FAM53A: variants seen among roughly 807,000 people sequenced by gnomAD.
FAM53A encodes the protein protein FAM53A.
In FAM53A, 28 loss-of-function variants were observed where a neutral mutation model predicts 26.6. The observed-to-expected ratio is 1.05, with a 90% CI of 0.78 to 1.45. The LOEUF (loss-of-function observed/expected upper bound fraction) is 1.45. FAM53A is among the 40% of genes most tolerant of loss of function. FAM53A has a pLI of 0.00. For synonymous variants in FAM53A, 290 were observed against 253.1 expected (o/e 1.15, Z -1.38); for missense variants, 650 against 575.8 (o/e 1.13, Z -1.32).
At chr4:1,616,416 C>G (rs1351105150), downstream of FAM53A, among the ~76,000 whole-genome samples, 1 of 152,166 alleles carries the variant, frequency 6.6e-6, no homozygotes, top group Non-Finnish European at 1.5e-5. Flanking sequence ...GGCTGGATGA[C>G]ACGGGAGCCG....
upstream of FAM53A, among the ~76,000 whole-genome samples, chr4:1,684,833 C>T (rs1340299789): frequency 6.6e-6 from 1 of 152,244 alleles, no homozygotes; most frequent in East Asian, 1.9e-4. Flanking sequence ...ATTAGGCCCT[C>T]GCTCATGGTC....
At chr4:1,598,551 A>G in the FAM53A span, among the ~76,000 whole-genome samples, 1 of 152,244 alleles carries the variant, frequency 6.6e-6, no homozygotes, top group Non-Finnish European at 1.5e-5. Context: ...CACGTCCCTC[A>G]GGAGACGATT....
chr4:1,608,264 G>A, the FAM53A span, among the ~76,000 whole-genome samples: 1 of 151,986 alleles, frequency 6.6e-6, no homozygotes, highest in South Asian at 2.1e-4. Context: ...TGCCGTGCCT[G>A]CACCCTGAGA....
At chr4:1,651,785 C>T (rs375287410) in intron 4 of FAM53A, among the ~76,000 whole-genome samples, 251 of 101,332 alleles carry the variant, frequency 2.5e-3, no homozygotes, top group Middle Eastern at 5.7e-3. Flanking sequence ...GACCCAAAGC[C>T]GGGGACAGGG....
chr4:1,625,525 G>C (rs1415514916), intron 1 of FAM53A, among the ~76,000 whole-genome samples: 1 of 76,456 alleles, frequency 1.3e-5, no homozygotes, highest in African/African-American at 8.4e-5. Flanking sequence ...ACGTGGTCAG[G>C]GGTCACACCA....
rs1467337683 is a variant in FAM53A at position 1,655,520 on chromosome 4, C to A, written c.340G>T (p.Ala114Ser). The A allele has an allele frequency of 2.2e-5, 34 of 1,567,872 alleles. No homozygotes were observed. Among genetic ancestry groups the A allele is most frequent in the Non-Finnish European group, 2.7e-5 (31 of 1,156,444 alleles). Reference protein sequence around the residue: ...DPSESTGSSTAPPTKRHCRSL... With the variant: ...DPSESTGSSTSPPTKRHCRSL... ...CGGCAATGCCGCTTGGTCGGTGGGG[C>A]CGTGGACGAGCCTGTGCTTTCACTG... The change falls in exon 4 of 5, where the codon GCC becomes TCC. Residue 114 changes from alanine (A) to serine (S), a missense_variant. Transcript: ENST00000308132.
the FAM53A span, among the ~76,000 whole-genome samples, chr4:1,590,989 T>TATATATACACACAC: frequency 5.4e-4 from 69 of 126,816 alleles, 1 homozygote; most frequent in African/African-American, 2.3e-3. Flanking sequence ...TATATATATA[T>TATATATACACACAC]ATATATATAT....
intron 1 of FAM53A, among the ~76,000 whole-genome samples, chr4:1,625,013 C>A (rs1475386758): frequency 1.4e-5 from 2 of 142,452 alleles, no homozygotes; most frequent in African/African-American, 5.5e-5. Flanking sequence ...GGCCCCACGT[C>A]CCAGCCCACG....
chr4:1,609,447 T>C, the FAM53A span, among the ~76,000 whole-genome samples: 1 of 152,030 alleles, frequency 6.6e-6, no homozygotes, highest in South Asian at 2.1e-4. Context: ...CCACATGCCA[T>C]GGGAGGGACT....
chr4:1,659,434 G>A lies in FAM53A; in HGVS notation c.76-1966C>T, dbSNP rs1440384419. ...ACAGCACCCAGCTCGACGCTGCCAC[G>A]GAAAAACGTCTAGCAAGGAAAGGAC... On this transcript the variant is annotated intron_variant, in intron 2 of 4. Transcript: ENST00000308132. This position sits in a 1 kb window ranked among gnomAD's most constrained non-coding sequence, Gnocchi z 5.2. 6.6e-6 allele frequency among the ~76,000 whole-genome samples: 1 copy of A among 152,240 alleles called. No homozygotes were observed. The highest frequency in any genetic ancestry group is 1.5e-5 in the Non-Finnish European group (1 of 68,048).
downstream of FAM53A, among the ~76,000 whole-genome samples, chr4:1,614,125 C>T (rs35407647): frequency 0.013 from 1,953 of 152,258 alleles, 146 homozygotes; most frequent in East Asian, 0.23. Context: ...GAGCAGCAGA[C>T]ACTGGAGGGG....
upstream of FAM53A, among the ~76,000 whole-genome samples, chr4:1,684,534 A>G (rs1322415074): frequency 6.6e-6 from 1 of 150,764 alleles, no homozygotes; most frequent in African/African-American, 2.4e-5. Flanking sequence ...CCGCCCCCGG[A>G]TCGACGCCCC....
chr4:1,652,998 C>A (rs1411085492), intron 4 of FAM53A, among the ~76,000 whole-genome samples: 2 of 150,192 alleles, frequency 1.3e-5, no homozygotes, highest in Non-Finnish European at 3.0e-5. Flanking sequence ...AACACACATC[C>A]CACACACACA....
At chr4:1,685,294 G>A (rs1715748755), upstream of FAM53A, among the ~76,000 whole-genome samples, 1 of 152,010 alleles carries the variant, frequency 6.6e-6, no homozygotes, top group Admixed American at 6.5e-5. Flanking sequence ...GGGGCCTGAG[G>A]GACCCTGCGG....
At chr4:1,611,994 C>T in the FAM53A span, among the ~76,000 whole-genome samples, 3 of 152,324 alleles carry the variant, frequency 2.0e-5, no homozygotes, top group Admixed American at 6.5e-5. Flanking sequence ...ACTGCGGAAT[C>T]GATGGAGAAA....
At chr4:1,624,245 C>G (rs1345637972) in intron 1 of FAM53A, among the ~76,000 whole-genome samples, 1 of 152,210 alleles carries the variant, frequency 6.6e-6, no homozygotes, top group Non-Finnish European at 1.5e-5. Flanking sequence ...ATGTCCACTG[C>G]CCAGCACTTC....
At chr4:1,664,910 G>A (rs1041900264) in intron 2 of FAM53A, among the ~76,000 whole-genome samples, 10 of 152,132 alleles carry the variant, frequency 6.6e-5, no homozygotes, top group South Asian at 2.1e-4. Flanking sequence ...CCCAGGAGGC[G>A]GGGGTTACAG....
intron 1 of FAM53A, chr4:1,683,584 A>T (rs1715605351): frequency 6.6e-6 from 1 of 152,210 alleles, no homozygotes; most frequent in Non-Finnish European, 1.5e-5. Context: ...ATAGATGATC[A>T]TAGAAACATC....
chr4:1,580,442 A>G, the FAM53A span, among the ~76,000 whole-genome samples: 1 of 152,180 alleles, frequency 6.6e-6, no homozygotes, highest in African/African-American at 2.4e-5. Context: ...AGGCTGGGGC[A>G]GAACCGGACG....
Sources: gnomAD v4.1 joint callset for allele counts (sites outside exome capture counted in the v4.1 genomes callset) on GRCh38, gnomAD v4.1.1 for gene constraint, Gnocchi (gnomAD v3.1) non-coding constraint, MANE v1.5 for transcripts, NCBI Gene and HGNC (gene_info 2026-07-23, HGNC 2026-07-21) for gene names.